H3C4: variants seen among roughly 807,000 people sequenced by gnomAD.
The protein encoded by H3C4 is H3 clustered histone 4.
A neutral mutation model predicts 8.7 loss-of-function variants in H3C4; 10 were observed. That is an observed-to-expected ratio of 1.15 (90% CI 0.71 to 1.96). H3C4 has a LOEUF of 1.96. Ranked by LOEUF, H3C4 falls within the 30% of genes most tolerant of loss-of-function variation. H3C4 has a pLI of 0.00. For synonymous variants in H3C4, 141 were observed against 80.1 expected (o/e 1.76, Z -4.06); for missense variants, 216 against 192.9 (o/e 1.12, Z -0.71).
upstream of H3C4, chr6:26,199,048 G>A (rs145754605): frequency 4.0e-5 from 64 of 1,614,104 alleles, no homozygotes; most frequent in Non-Finnish European, 5.3e-5. Context: ...TTGCCCGCCA[G>A]CTCCAGGATC....
chr6:26,198,889 T>TG, upstream of H3C4: 1 of 1,614,208 alleles, frequency 6.2e-7, no homozygotes, highest in Non-Finnish European at 8.5e-7. Flanking sequence ...TCAGTCTTCT[T>TG]GGGGAGCAGT....
upstream of H3C4, chr6:26,198,709 T>C (rs1212249099): frequency 2.9e-5 from 23 of 786,230 alleles, no homozygotes; most frequent in Non-Finnish European, 3.2e-5. Flanking sequence ...CACCCACTTA[T>C]AAATGGAAAA....
rs1171330838 is a variant in H3C4 at position 26,196,795 on chromosome 6, GAA to G, written c.*43_*44del. The G allele has an allele frequency of 6.2e-7, 1 of 1,604,548 alleles. No individual in the cohort carries two copies. Among genetic ancestry groups the G allele is most frequent in the African/African-American group, 1.3e-5 (1 of 74,446 alleles). ...TTTTATAGAAAAGGTGGTTGGCTCT[GAA>G]AAGAGCCTTTGGGTTTTGGTTAGCA... On this transcript the variant is annotated 3_prime_UTR_variant, in exon 1 of 1. Transcript: ENST00000356476.
chr6:26,199,213 C>G (rs201905916), upstream of H3C4: 2 of 1,607,536 alleles, frequency 1.2e-6, no homozygotes, highest in Non-Finnish European at 1.7e-6. Context: ...TTAGCTCGGG[C>G]CTTTCCGCCT....
At chr6:26,197,356 C>A, upstream of H3C4, 1 of 1,206,746 alleles carries the variant, frequency 8.3e-7, no homozygotes, top group East Asian at 2.4e-5. Context: ...CAGCCTTTCC[C>A]CTGCAGCTCG....
At chr6:26,198,979 G>T, upstream of H3C4, 1 of 1,614,212 alleles carries the variant, frequency 6.2e-7, no homozygotes, top group Non-Finnish European at 8.5e-7. Flanking sequence ...TCGTCGTTGC[G>T]GATGGCCAGC....
chr6:26,197,792 AAC>A (rs1235311262), upstream of H3C4, among the ~76,000 whole-genome samples: 2 of 150,184 alleles, frequency 1.3e-5, no homozygotes, highest in African/African-American at 4.9e-5. Context: ...AAGCTACATG[AAC>A]ACATTTAATT....
At chr6:26,198,071 C>A (rs1581449551), upstream of H3C4, among the ~76,000 whole-genome samples, 1 of 152,086 alleles carries the variant, frequency 6.6e-6, no homozygotes, top group Non-Finnish European at 1.5e-5. Context: ...CTTGCAAAAA[C>A]AAACCCAAAA....
Position 26,197,261 on chromosome 6 carries a change from T to G in H3C4, c.-11A>C. The G allele has an allele frequency of 6.2e-7, 1 of 1,600,078 alleles. No individual in the cohort carries two copies. Among genetic ancestry groups the G allele is most frequent in the Non-Finnish European group, 8.5e-7 (1 of 1,176,290 alleles). On this transcript the variant is annotated 5_prime_UTR_variant, in exon 1 of 1. Coordinates refer to ENST00000356476, the MANE Select transcript of H3C4 (RefSeq NM_001376937.1). ...CTTGGTACGAGCCATTGCGAACTTC[T>G]AAACCCTGCTAAATGACGAAAAAAC... is the stretch of plus-strand genomic sequence containing the variant.
At chr6:26,198,275 G>C (rs931482786), upstream of H3C4, among the ~76,000 whole-genome samples, 4 of 132,742 alleles carry the variant, frequency 3.0e-5, no homozygotes, top group African/African-American at 1.6e-4. Flanking sequence ...CCGCTGCATT[G>C]ATCGATTTAA....
upstream of H3C4, chr6:26,198,833 AAT>A (rs780158998): frequency 3.0e-5 from 48 of 1,606,654 alleles, no homozygotes; most frequent in Non-Finnish European, 4.0e-5. Context: ...TTAAAAAGCC[AAT>A]ATAAGAGTTC....
In H3C4 at chr6:26,196,936, A is replaced by T; in HGVS notation, c.315T>A (p.Phe105Leu). 1 of 1,614,240 alleles carries T rather than the reference A, an allele frequency of 6.2e-7. No homozygotes were observed. The highest frequency in any genetic ancestry group is 8.5e-7 in the Non-Finnish European group (1 of 1,180,032). The change falls in exon 1 of 1, where the codon TTT becomes TTA. Residue 105 changes from phenylalanine (F) to leucine (L), a missense_variant. Transcript: ENST00000356476. ...EACEAYLVGL[F>L]EDTNLCAIHA... ...GAATGGCGCATAGGTTGGTGTCCTC[A>T]AACAGCCCCACCAGGTAGGCCTCGC...
rs1267317227 is a variant in H3C4, at chr6:26,197,078, G to A, written c.173C>T (p.Ser58Leu). 9 of 1,614,208 alleles carry A rather than the reference G, an allele frequency of 5.6e-6. No individual in the cohort carries two copies. The highest frequency in any genetic ancestry group is 5.9e-6 in the Non-Finnish European group (7 of 1,180,038). Reference sequence around the variant, plus strand: ...CAGTTTGCGAATCAGCAGCTCGGTCGACTTCTGGTAGCGGCGGATCTCGCG... The same window carrying A: ...CAGTTTGCGAATCAGCAGCTCGGTCAACTTCTGGTAGCGGCGGATCTCGCG... ...ALREIRRYQK[S>L]TELLIRKLPF... is the part of the protein sequence containing the mutation. Residue 58 changes from serine (S) to leucine (L), a missense_variant, in exon 1 of 1, where the codon TCG (serine) becomes TTG (leucine). By Grantham distance (145) the Ser-to-Leu change is moderately radical (BLOSUM62 -2). Transcript: ENST00000356476.
upstream of H3C4, among the ~76,000 whole-genome samples, chr6:26,198,107 C>G (rs1212868150): frequency 2.0e-5 from 3 of 152,102 alleles, no homozygotes; most frequent in East Asian, 5.8e-4. Context: ...CAGGTTATTT[C>G]GTATCATTAA....
upstream of H3C4, chr6:26,199,260 C>G (rs1319414294): frequency 6.3e-7 from 1 of 1,587,544 alleles, no homozygotes; most frequent in Non-Finnish European, 8.5e-7. Flanking sequence ...TTCTTAAAAA[C>G]GATGTTAAGC....
rs772873150 is a variant in H3C4, at chr6:26,196,917, C to T, written c.334G>A (p.Ala112Thr). The T allele has an allele frequency of 8.7e-6, 14 of 1,614,152 alleles. No individual in the cohort carries two copies. The highest frequency in any genetic ancestry group is 2.2e-5 in the East Asian group (1 of 44,900). ...VGLFEDTNLC[A>T]IHAKRVTIMP... Reference sequence around the variant, plus strand: ...ATAGTCACTCGCTTGGCGTGAATGGCGCATAGGTTGGTGTCCTCAAACAGC... The same window carrying T: ...ATAGTCACTCGCTTGGCGTGAATGGTGCATAGGTTGGTGTCCTCAAACAGC... Residue 112 changes from alanine (A) to threonine (T), a missense_variant, in exon 1 of 1, where the codon GCC (alanine) becomes ACC (threonine). Coordinates refer to ENST00000356476, the MANE Select transcript of H3C4 (RefSeq NM_001376937.1).
upstream of H3C4, chr6:26,197,359 G>A: frequency 1.7e-6 from 2 of 1,160,936 alleles, no homozygotes; most frequent in African/African-American, 3.1e-5. Flanking sequence ...CCTTTCCCCT[G>A]CAGCTCGATT....
At chr6:26,199,292 G>A (rs1016209928), upstream of H3C4, 26 of 1,560,502 alleles carry the variant, frequency 1.7e-5, no homozygotes, top group East Asian at 2.3e-5. Flanking sequence ...AAATGTAAAA[G>A]TGAATTTTGT....
chr6:26,198,786 G>A (rs34550794), upstream of H3C4: 67,613 of 1,483,864 alleles, frequency 0.046, 1,717 homozygotes, highest in Middle Eastern at 0.093. Context: ...GGAATACATG[G>A]GTGGCTCTGA....
Sources: gnomAD v4.1 joint callset for allele counts (sites outside exome capture counted in the v4.1 genomes callset) on GRCh38, gnomAD v4.1.1 for gene constraint, MANE v1.5 for transcripts, NCBI Gene and HGNC (gene_info 2026-07-23, HGNC 2026-07-21) for gene names.